Variants in ANKFN1 observed in about 807,000 individuals in gnomAD.
ANKFN1 encodes ankyrin repeat and fibronectin type-III domain-containing protein 1.
A neutral mutation model predicts 108.7 loss-of-function variants in ANKFN1; 74 were observed. The ratio of observed to expected loss-of-function variants is 0.68; its 90% CI spans 0.56 to 0.83. The LOEUF is 0.83. Ranked by LOEUF, ANKFN1 falls within the 40% of genes least tolerant of loss-of-function variation. The probability of loss-of-function intolerance (pLI) is 0.00; values close to 1 mark genes in which losing one functional copy is unlikely to be tolerated. For missense variants in ANKFN1, 1,505 were observed against 1,382.3 expected (o/e 1.09, Z -1.41); for synonymous variants, 547 against 516.2 (o/e 1.06, Z -0.81).
chr17:56,073,109 C>T (rs962942242), intron 4 of ANKFN1, among the ~76,000 whole-genome samples: 82 of 151,394 alleles, frequency 5.4e-4, no homozygotes, highest in African/African-American at 1.7e-3. Context: ...TCTCCTGCCT[C>T]AGCCTCCCAA....
At chr17:56,141,460 A>C (rs1907910578) in intron 4 of ANKFN1, among the ~76,000 whole-genome samples, 1 of 152,202 alleles carries the variant, frequency 6.6e-6, no homozygotes, top group Non-Finnish European at 1.5e-5. Context: ...TCACATAAAG[A>C]ATGGTCTAGC....
At chr17:56,415,760 A>T (rs888695917) in intron 8 of ANKFN1, among the ~76,000 whole-genome samples, 9 of 152,238 alleles carry the variant, frequency 5.9e-5, no homozygotes, top group Non-Finnish European at 1.2e-4. Context: ...AGCCAAAGCT[A>T]TCCTGAGCAA....
intron 2 of ANKFN1, among the ~76,000 whole-genome samples, chr17:56,215,252 T>G (rs56379743): frequency 0.13 from 19,239 of 152,118 alleles, 1,653 homozygotes; most frequent in African/African-American, 0.23. Context: ...ACTGCATGAG[T>G]CCAGATCCAG....
At chr17:56,332,648 A>G (rs1302947229) in intron 4 of ANKFN1, among the ~76,000 whole-genome samples, 1 of 152,100 alleles carries the variant, frequency 6.6e-6, no homozygotes, top group Non-Finnish European at 1.5e-5. Flanking sequence ...TCATTCATCT[A>G]TATTTCTATC....
At chr17:56,382,429 C>A (rs2047133620) in intron 8 of ANKFN1, among the ~76,000 whole-genome samples, 1 of 152,134 alleles carries the variant, frequency 6.6e-6, no homozygotes, top group Non-Finnish European at 1.5e-5. Flanking sequence ...AACTAACGAG[C>A]AAAATCACCA....
At position 56,404,704 on chromosome 17, in the gene ANKFN1, T is replaced by A. The variant is rs536905439; in HGVS notation, c.910+29990T>A. 7.7e-4 allele frequency among the ~76,000 whole-genome samples: 117 copies of A among 152,250 alleles called. 1 individual carries two copies. Among genetic ancestry groups the A allele is most frequent in the African/African-American group, 2.7e-3 (111 of 41,546 alleles). ...TGGTTTGGACCCATTGCTGGTGAACTAGTGTGATTTTGGGGGGTATGGAAG... is the reference window on the plus strand; with the variant it reads ...TGGTTTGGACCCATTGCTGGTGAACAAGTGTGATTTTGGGGGGTATGGAAG... On this transcript the variant is annotated intron_variant, in intron 8 of 20. Coordinates refer to ENST00000682825, the MANE Select transcript of ANKFN1 (RefSeq NM_001370326.1).
chr17:56,140,676 C>T (rs1907867117), intron 4 of ANKFN1, among the ~76,000 whole-genome samples: 1 of 152,154 alleles, frequency 6.6e-6, no homozygotes, highest in South Asian at 2.1e-4. Context: ...ATGCCTGCAT[C>T]ATAGGATTGT....
At chr17:56,087,103 T>C (rs4794623) in intron 4 of ANKFN1, among the ~76,000 whole-genome samples, 118,108 of 150,878 alleles carry the variant, frequency 0.78, 47,922 homozygotes, top group African/African-American at 0.93. Context: ...CAGGAGGTTA[T>C]GTAATTTCTC....
intron 4 of ANKFN1, among the ~76,000 whole-genome samples, chr17:56,135,015 G>C (rs1907515237): frequency 6.6e-6 from 1 of 152,108 alleles, no homozygotes; most frequent in Non-Finnish European, 1.5e-5. Flanking sequence ...TGAAGAGGTT[G>C]AGCCTCAGGC....
At chr17:56,322,710 A>G (rs2045405660) in intron 3 of ANKFN1, among the ~76,000 whole-genome samples, 1 of 152,220 alleles carries the variant, frequency 6.6e-6, no homozygotes, top group Non-Finnish European at 1.5e-5. Flanking sequence ...CTCCAGTTCC[A>G]GTTCAAACGC....
intron 20 of ANKFN1, among the ~76,000 whole-genome samples, chr17:56,507,873 TTCC>T (rs1210055512): frequency 6.6e-6 from 1 of 152,162 alleles, no homozygotes; most frequent in Non-Finnish European, 1.5e-5. Context: ...CGAAAGCATC[TTCC>T]TCCTAAGTCA....
At chr17:56,438,572 T>G (rs967045899) in intron 8 of ANKFN1, among the ~76,000 whole-genome samples, 19 of 152,148 alleles carry the variant, frequency 1.2e-4, no homozygotes, top group African/African-American at 4.6e-4. Context: ...AAAGGATTTT[T>G]TTTCTTGAGA....
intron 14 of ANKFN1, among the ~76,000 whole-genome samples, chr17:56,465,902 A>G (rs2050056315): frequency 6.6e-6 from 1 of 152,138 alleles, no homozygotes; most frequent in Non-Finnish European, 1.5e-5. Flanking sequence ...TTGTCAATTC[A>G]CTTCTTCATT....
chr17:56,185,095 T>C (rs1206408578), intron 1 of ANKFN1: 1 of 152,204 alleles, frequency 6.6e-6, no homozygotes, highest in Non-Finnish European at 1.5e-5. Context: ...TCTGTCCACG[T>C]AGTTAACTAG....
chr17:56,142,128 A>C (rs918196769), intron 4 of ANKFN1, among the ~76,000 whole-genome samples: 1 of 151,894 alleles, frequency 6.6e-6, no homozygotes, highest in Non-Finnish European at 1.5e-5. Context: ...ACAGGGTTTC[A>C]TCATGTTGGA....
chr17:56,411,162 C>T (rs1354039498), intron 8 of ANKFN1, among the ~76,000 whole-genome samples: 3 of 152,192 alleles, frequency 2.0e-5, no homozygotes, highest in East Asian at 3.9e-4. Context: ...TATGTTTTGT[C>T]TTCTTCAATT....
At chr17:56,311,012 T>G (rs1004190951) in intron 3 of ANKFN1, among the ~76,000 whole-genome samples, 2 of 152,244 alleles carry the variant, frequency 1.3e-5, no homozygotes, top group African/African-American at 4.8e-5. Flanking sequence ...AGTGACGTCA[T>G]GAAGTATTTC....
At position 56,419,810 on chromosome 17, in the gene ANKFN1, C is replaced by CA. The variant is rs5821128; in HGVS notation, c.911-20499dup. ...TGAGCAACAGAAAGAGACCCTGTCT[C>CA]AAAAAAAAAAAAAAAAAAGAAAGAA... On this transcript the variant is annotated intron_variant, in intron 8 of 20. Coordinates refer to ENST00000682825, the MANE Select transcript of ANKFN1 (RefSeq NM_001370326.1). Among the ~76,000 whole-genome samples, 803 of 102,008 alleles carry CA rather than the reference C, an allele frequency of 7.9e-3. 1 individual carries two copies. Among genetic ancestry groups the CA allele is most frequent in the East Asian group, 0.024 (48 of 1,972 alleles). 66.9% of individuals were successfully genotyped at this position (102,008 alleles called of 152,430 possible). A position where few individuals can be genotyped will look rare whatever the true frequency, so the allele number is the denominator to read the frequency against.
chr17:56,054,980 A>G (rs574368301), intron 4 of ANKFN1, among the ~76,000 whole-genome samples: 16 of 152,078 alleles, frequency 1.1e-4, no homozygotes, highest in East Asian at 9.7e-4. Context: ...GAGTCATAAC[A>G]TTTTTGTTCA....
Sources: gnomAD v4.1 joint callset for allele counts (sites outside exome capture counted in the v4.1 genomes callset) on GRCh38, gnomAD v4.1.1 for gene constraint, MANE v1.5 for transcripts, NCBI Gene and HGNC (gene_info 2026-07-23, HGNC 2026-07-21) for gene names.